Variants in CDK11B observed in about 807,000 individuals in gnomAD.
The protein encoded by CDK11B is cyclin-dependent kinase 11B.
Under a neutral mutation model 84.0 loss-of-function variants are expected in CDK11B, and 37 were observed. The observed-to-expected ratio is 0.44, with a 90% confidence interval of 0.34 to 0.58. CDK11B has a LOEUF of 0.58. CDK11B is among the 20% of genes least tolerant of loss of function. CDK11B has a pLI of 0.02. For synonymous variants in CDK11B, 269 were observed against 309.8 expected, an observed-to-expected ratio of 0.87 and a Z score of 1.38; for missense variants, 427 against 834.0, an observed-to-expected ratio of 0.51 and a Z score of 6.01.
In CDK11B at chr1:1,650,268, C is replaced by CAAAA. The variant is rs1212256890; in HGVS notation, c.356-635_356-632dup. Among the ~76,000 whole-genome samples the CAAAA allele has an allele frequency of 3.7e-4, 17 of 45,790 alleles. 1 individual carries two copies. Among genetic ancestry groups the CAAAA allele is most frequent in the African/African-American group, 1.2e-3 (14 of 11,250 alleles). The allele number at this position is 45,790 out of a possible 152,430, so 30.0% of individuals were successfully genotyped here. On this transcript the variant is annotated intron_variant, in intron 4 of 19. Coordinates refer to ENST00000341832, the MANE Select transcript of CDK11B (RefSeq NM_033486.3). Reference sequence around the variant, plus strand: ...CTGGGTGACAAGCAAGACTCCGTCCCAAAAAAAAAAAAAAAAGAAATTAAA... The same window carrying CAAAA: ...CTGGGTGACAAGCAAGACTCCGTCCCAAAAAAAAAAAAAAAAAAAAGAAATTAAA...
chr1:1,648,714 C>T (rs1392989115), intron 5 of CDK11B, among the ~76,000 whole-genome samples: 3 of 152,134 alleles, frequency 2.0e-5, no homozygotes, highest in Non-Finnish European at 4.4e-5. Context: ...AAACTAATGG[C>T]CAGGAGTCCT....
rs371882899 is a variant in CDK11B, at chr1:1,636,945, G to A, written c.1752C>T (p.Val584=). The change falls in exon 16 of 20, where the codon GTC becomes GTT. Residue 584 remains valine, a synonymous_variant. Coordinates refer to ENST00000341832, the MANE Select transcript of CDK11B (RefSeq NM_033486.3). The part of the protein sequence containing the change: ...YGSPLKAYTP[V]VVTLWYRAPE... ...GGGCGCGGTACCACAGGGTCACCAC[G>A]ACCGGGGTGTAGGCCTTCAGAGGGG... 2.4e-5 allele frequency: 39 copies of A among 1,608,420 alleles called. No individual in the cohort carries two copies. The South Asian group carries it at 3.0e-4, about 12-fold the overall frequency.
chr1:1,651,921 G>A (rs1166058004), intron 4 of CDK11B, among the ~76,000 whole-genome samples: 4 of 148,734 alleles, frequency 2.7e-5, no homozygotes, highest in Non-Finnish European at 5.9e-5. Flanking sequence ...GCTCTCTCTG[G>A]TTTTTAGTCT....
chr1:1,653,275 G>A (rs1481378808), intron 3 of CDK11B, among the ~76,000 whole-genome samples: 3 of 151,510 alleles, frequency 2.0e-5, no homozygotes, highest in Non-Finnish European at 4.4e-5. Flanking sequence ...CACCCACCTC[G>A]GCCTCCCAAA....
Position 1,636,738 on chromosome 1 carries a change from G to T in CDK11B, c.1861C>A (p.Gln621Lys). The T allele has an allele frequency of 6.2e-7, 1 of 1,613,934 alleles. No individual in the cohort carries two copies. Among genetic ancestry groups the T allele is most frequent in the Non-Finnish European group, 8.5e-7 (1 of 1,179,868 alleles). Residue 621 changes from glutamine (Q) to lysine (K), a missense_variant, in exon 17 of 20, where the codon CAG becomes AAG. Physicochemically the swap from Gln to Lys is moderately conservative, Grantham distance 53 (BLOSUM62 1). Transcript: ENST00000341832. Reference protein sequence around the residue: ...VGCIFGELLTQKPLFPGKSEI... With the variant: ...VGCIFGELLTKKPLFPGKSEI... ...GACTTCCCGGGGAACAGAGGCTTCT[G>T]AGTCAGCAGCTCCCCGAAGATGCAA...
intron 4 of CDK11B, among the ~76,000 whole-genome samples, chr1:1,650,540 T>A (rs1303414209): frequency 2.6e-5 from 4 of 151,116 alleles, no homozygotes; most frequent in African/African-American, 9.7e-5. Context: ...TAATTTTTTG[T>A]CTTTTTAGTA....
At chr1:1,656,302 C>G (rs1396041465) in intron 2 of CDK11B, among the ~76,000 whole-genome samples, 1 of 152,004 alleles carries the variant, frequency 6.6e-6, no homozygotes, top group African/African-American at 2.4e-5. Flanking sequence ...ACCAGCCTGA[C>G]CAACAAGGTG....
At position 1,635,481 on chromosome 1, in the gene CDK11B, G is replaced by A. The variant is rs1339678713; in HGVS notation, c.*283C>T. 5.9e-6 allele frequency: 2 copies of A among 337,436 alleles called. No homozygotes were observed. Among genetic ancestry groups the A allele is most frequent in the East Asian group, 8.1e-5 (1 of 12,376 alleles). The allele number at this position is 337,436 out of a possible 1,614,324, so 20.9% of individuals were successfully genotyped here. On this transcript the variant is annotated 3_prime_UTR_variant, in exon 20 of 20. Coordinates refer to ENST00000341832, the MANE Select transcript of CDK11B (RefSeq NM_033486.3). The stretch of plus-strand genomic sequence containing the variant: ...AATCACGGCCCAGCCAGCCCCGTGC[G>A]TGTCGAGAGTGGGAGAGGGTGTGTG...
At chr1:1,656,427 G>A (rs185588151) in intron 2 of CDK11B, among the ~76,000 whole-genome samples, 230 of 152,144 alleles carry the variant, frequency 1.5e-3, no homozygotes, top group African/African-American at 4.6e-3. Context: ...GGAGGCAGAG[G>A]TGGCAGTTAG....
At chr1:1,641,317 T>C (rs2100760498) in intron 9 of CDK11B, among the ~76,000 whole-genome samples, 1 of 147,480 alleles carries the variant, frequency 6.8e-6, no homozygotes, top group Admixed American at 6.7e-5. Context: ...GAGACCATCC[T>C]GGCCAACGTG....
chr1:1,639,248 C>T (rs1406365751), intron 11 of CDK11B, among the ~76,000 whole-genome samples: 4 of 151,778 alleles, frequency 2.6e-5, no homozygotes, highest in South Asian at 4.1e-4. Flanking sequence ...GTCAAAACTC[C>T]TTTCTACAAA....
At chr1:1,654,523 T>A (rs900497047) in intron 3 of CDK11B, among the ~76,000 whole-genome samples, 1 of 152,164 alleles carries the variant, frequency 6.6e-6, no homozygotes, top group Non-Finnish European at 1.5e-5. Context: ...GCTGAAGTGA[T>A]CTGCCTGCCT....
chr1:1,637,929 C>A, intron 12 of CDK11B, 46 bp from the exon 13 acceptor site: 1 of 1,611,254 alleles, frequency 6.2e-7, no homozygotes, highest in South Asian at 1.1e-5. Context: ...CTCAAAGTCA[C>A]GGTACCAACA....
intron 4 of CDK11B, among the ~76,000 whole-genome samples, chr1:1,650,039 C>T (rs1421228367): frequency 3.9e-4 from 58 of 150,398 alleles, no homozygotes; most frequent in South Asian, 1.9e-3. Flanking sequence ...TCTGGGAGGC[C>T]GAGGTGGGCG....
At chr1:1,654,871 G>T (rs918264764) in intron 3 of CDK11B, among the ~76,000 whole-genome samples, 15 of 148,532 alleles carry the variant, frequency 1.0e-4, no homozygotes, top group Non-Finnish European at 2.1e-4. Flanking sequence ...TGTTAGCCAG[G>T]ATGGTCTTGA....
chr1:1,654,456 T>C (rs1642451295), intron 3 of CDK11B, among the ~76,000 whole-genome samples: 1 of 152,130 alleles, frequency 6.6e-6, no homozygotes, highest in African/African-American at 2.4e-5. Context: ...TTCTTTTTTT[T>C]ATTTTGTGTA....
rs756005151 is a variant in CDK11B at position 1,655,475 on chromosome 1, G to A, written c.121C>T (p.Arg41Trp). 1.3e-5 allele frequency: 21 copies of A among 1,609,232 alleles called. No homozygotes were observed. Among genetic ancestry groups the A allele is most frequent in the East Asian group, 6.7e-5 (3 of 44,880 alleles). ...EIKRLKNSDD[R>W]DSKRDSLEEG... is the part of the protein sequence containing the mutation. ...TCAAGGGAATCCCGCTTGGAATCCC[G>A]GTCATCAGACTAAGAAGCAAAGAGA... Residue 41 changes from arginine to tryptophan, a missense_variant, in exon 3 of 20, where the codon CGG becomes TGG. This residue lies in a region of CDK11B where 57 missense variants were observed against 62.2 expected (regional missense o/e 0.92). Coordinates refer to ENST00000341832, the MANE Select transcript of CDK11B (RefSeq NM_033486.3).
intron 12 of CDK11B, 41 bp downstream of exon 12, chr1:1,638,459 C>G: frequency 6.7e-6 from 7 of 1,045,498 alleles, no homozygotes; most frequent in Non-Finnish European, 1.0e-5. Flanking sequence ...AGCCCCTGCC[C>G]CACTTCCCCT....
intron 5 of CDK11B, 84 bp downstream of exon 5, chr1:1,649,415 A>G (rs1299349935): frequency 4.3e-5 from 36 of 841,554 alleles, no homozygotes; most frequent in Non-Finnish European, 6.6e-5. Context: ...TGTGACTTCT[A>G]TTGCCAAATT....
Sources: gnomAD v4.1 joint callset for allele counts (sites outside exome capture counted in the v4.1 genomes callset) on GRCh38, gnomAD v4.1.1 for gene constraint, gnomAD v4.1.1 regional missense constraint, MANE v1.5 for transcripts, NCBI Gene and HGNC (gene_info 2026-07-23, HGNC 2026-07-21) for gene names.